The following KALRN variants were observed in gnomAD, a reference collection of about 807,000 sequenced individuals.
KALRN encodes the protein kalirin RhoGEF kinase, also known as kalirin.
A neutral mutation model predicts 353.7 loss-of-function variants in KALRN; 70 were observed. That is an observed-to-expected ratio of 0.20 (90% CI 0.16 to 0.24). KALRN has a LOEUF of 0.24. KALRN is among the 10% of genes least tolerant of loss of function. KALRN has a pLI of 1.00. For synonymous variants in KALRN, 1,391 were observed against 1,434.8 expected, an observed-to-expected ratio of 0.97 and a Z score of 0.69; for missense variants, 2,791 against 3,756.7, an observed-to-expected ratio of 0.74 and a Z score of 6.72.
intron 1 of KALRN, among the ~76,000 whole-genome samples, chr3:124,129,971 T>C (rs1161852196): frequency 2.0e-5 from 3 of 152,240 alleles, no homozygotes; most frequent in Non-Finnish European, 2.9e-5. Context: ...GAATATGTGC[T>C]TTATAAATGT....
In KALRN at chr3:124,446,161, C is replaced by A; in HGVS notation, c.3314C>A (p.Ala1105Asp). The A allele has an allele frequency of 6.2e-7, 1 of 1,610,046 alleles. No individual in the cohort carries two copies. The highest frequency in any genetic ancestry group is 8.5e-7 in the Non-Finnish European group (1 of 1,176,564). ...HTRGPEQQVK[A>D]ILSELLQREN... Reference sequence around the variant, plus strand: ...CATCATGCATCTCCTCTGCCCACAGCCATCCTGAGTGAGCTCCTGCAGAGG... The same window carrying A: ...CATCATGCATCTCCTCTGCCCACAGACATCCTGAGTGAGCTCCTGCAGAGG... The change falls in exon 20 of 60, where the codon GCC becomes GAC. Residue 1105 changes from alanine (A) to aspartate (D), a missense_variant and splice_region_variant. This residue lies in a region of KALRN where 268 missense variants were observed against 347.0 expected (regional missense o/e 0.77). Transcript: ENST00000682506.
At chr3:124,577,435 G>A (rs148882619) in intron 34 of KALRN, among the ~76,000 whole-genome samples, 12 of 152,322 alleles carry the variant, frequency 7.9e-5, no homozygotes, top group African/African-American at 2.6e-4. Context: ...AGGGCCAGCA[G>A]TGGTGCAGTG....
chr3:124,066,831 G>A (rs1042722257), intron 1 of KALRN, among the ~76,000 whole-genome samples: 6 of 152,308 alleles, frequency 3.9e-5, no homozygotes, highest in African/African-American at 1.4e-4. Flanking sequence ...GCAAACAGGA[G>A]CCCCTGGTTG....
At position 124,385,051 on chromosome 3, in the gene KALRN, T is replaced by C; in HGVS notation, c.1962+15T>C. On this transcript the variant is annotated intron_variant, in intron 11 of 59. Coordinates refer to ENST00000682506, the MANE Select transcript of KALRN (RefSeq NM_001388419.1). ...ACACCAAAGAGGTAAGGGGAGCTAG[T>C]GGAGAGAGGGCATTCTGTCCTGCCA... 3 of 1,569,174 alleles carry C rather than the reference T, an allele frequency of 1.9e-6. No homozygotes were observed. Among genetic ancestry groups the C allele is most frequent in the Non-Finnish European group, 2.6e-6 (3 of 1,152,310 alleles).
At chr3:124,554,105 T>C (rs552329200) in intron 33 of KALRN, among the ~76,000 whole-genome samples, 13 of 152,322 alleles carry the variant, frequency 8.5e-5, no homozygotes, top group Middle Eastern at 3.4e-3. Flanking sequence ...CCTGTAACTC[T>C]AGCACTTTGG....
chr3:124,451,841 T>C (rs768653460), intron 21 of KALRN, among the ~76,000 whole-genome samples: 1 of 152,210 alleles, frequency 6.6e-6, no homozygotes, highest in Non-Finnish European at 1.5e-5. Flanking sequence ...CCAGAATCTG[T>C]ATAATGTTCT....
At chr3:124,220,055 C>T (rs552939650) in intron 1 of KALRN, among the ~76,000 whole-genome samples, 1 of 152,102 alleles carries the variant, frequency 6.6e-6, no homozygotes, top group East Asian at 1.9e-4. Flanking sequence ...AGCACTTCTC[C>T]TGCCTCAGCC....
chr3:124,545,384 G>C (rs1189659176), intron 33 of KALRN, among the ~76,000 whole-genome samples: 3 of 152,218 alleles, frequency 2.0e-5, no homozygotes, highest in Admixed American at 6.5e-5. Context: ...TTTATGCCTA[G>C]GGAATGAATC....
intron 34 of KALRN, among the ~76,000 whole-genome samples, chr3:124,603,889 C>G (rs993990046): frequency 1.3e-5 from 2 of 152,000 alleles, no homozygotes; most frequent in African/African-American, 4.8e-5. Context: ...ATACATTATA[C>G]CAGGCTAGAA....
At chr3:124,645,770 T>A (rs2082637238) in intron 37 of KALRN, among the ~76,000 whole-genome samples, 1 of 151,902 alleles carries the variant, frequency 6.6e-6, no homozygotes, top group African/African-American at 2.4e-5. Context: ...AACATGGGGG[T>A]GCAGATGTCT....
chr3:124,364,735 C>G (rs2084449968), intron 10 of KALRN, among the ~76,000 whole-genome samples: 1 of 152,170 alleles, frequency 6.6e-6, no homozygotes, highest in African/African-American at 2.4e-5. Flanking sequence ...TGACTCCCTC[C>G]CACCAGCTTT....
chr3:124,200,051 G>A (rs1281821520), intron 1 of KALRN, among the ~76,000 whole-genome samples: 2 of 152,288 alleles, frequency 1.3e-5, no homozygotes, highest in South Asian at 2.1e-4. Context: ...TGGGAAACTA[G>A]CATCATAAAC....
At chr3:124,383,470 G>A (rs9832203) in intron 10 of KALRN, among the ~76,000 whole-genome samples, 1 of 152,032 alleles carries the variant, frequency 6.6e-6, no homozygotes, top group Admixed American at 6.5e-5. Context: ...TCAACTTTTA[G>A]TAGTTTTCTG....
intron 33 of KALRN, among the ~76,000 whole-genome samples, chr3:124,548,441 A>G (rs1364699336): frequency 6.6e-6 from 1 of 152,140 alleles, no homozygotes; most frequent in Non-Finnish European, 1.5e-5. Context: ...CTCCCATACT[A>G]TCTAGCCCCC....
chr3:124,337,428 T>C lies in KALRN; in HGVS notation c.1647+2933T>C, dbSNP rs12495801. 0.014 allele frequency among the ~76,000 whole-genome samples: 2,074 copies of C among 152,304 alleles called. 89 individuals are homozygous for C. The East Asian group carries it at 0.15, about 11-fold the overall frequency. On this transcript the variant is annotated intron_variant, in intron 9 of 59. Coordinates refer to ENST00000682506, the MANE Select transcript of KALRN (RefSeq NM_001388419.1). ...TGTGGTTTTTGTCATTGATTCTGTTTATGTGATGGATTATGTTTATTGATT... is the reference window on the plus strand; with the variant it reads ...TGTGGTTTTTGTCATTGATTCTGTTCATGTGATGGATTATGTTTATTGATT...
Position 124,334,921 on chromosome 3 carries a change from A to G in KALRN, c.1647+426A>G, listed in dbSNP as rs545430215. On this transcript the variant is annotated intron_variant, in intron 9 of 59. Transcript: ENST00000682506. This position sits in a 1 kb window ranked among gnomAD's most constrained non-coding sequence, Gnocchi z 4.2. ...GCGATTCTTGTTCCTCAGCCTCCCA[A>G]GTAGCTGGGATTAACCGCATGTGCC... 2.0e-5 allele frequency among the ~76,000 whole-genome samples: 3 copies of G among 152,232 alleles called. No individual in the cohort carries two copies. Among genetic ancestry groups the G allele is most frequent in the African/African-American group, 4.8e-5 (2 of 41,536 alleles).
intron 33 of KALRN, among the ~76,000 whole-genome samples, chr3:124,532,963 C>A: frequency 6.8e-6 from 1 of 147,684 alleles, no homozygotes. Flanking sequence ...AAATACACAT[C>A]CTAAGTAATG....
intron 1 of KALRN, among the ~76,000 whole-genome samples, chr3:124,116,776 A>G (rs1455202980): frequency 6.6e-6 from 1 of 152,262 alleles, no homozygotes; most frequent in African/African-American, 2.4e-5. Flanking sequence ...GGACAATTAT[A>G]ACAATATAAT....
chr3:124,228,260 G>T (rs2078792491), intron 2 of KALRN, among the ~76,000 whole-genome samples, 196 bp downstream of exon 2: 1 of 152,134 alleles, frequency 6.6e-6, no homozygotes, highest in African/African-American at 2.4e-5. Flanking sequence ...TGTTCTAAAG[G>T]ACACCCAGAA....
Sources: gnomAD v4.1 joint callset for allele counts (sites outside exome capture counted in the v4.1 genomes callset) on GRCh38, gnomAD v4.1.1 for gene constraint, gnomAD v4.1.1 regional missense constraint, Gnocchi (gnomAD v3.1) non-coding constraint, MANE v1.5 for transcripts, NCBI Gene and HGNC (gene_info 2026-07-23, HGNC 2026-07-21) for gene names.